The following TSHZ3 variants were observed in gnomAD, a reference collection of about 807,000 sequenced individuals.
TSHZ3 encodes teashirt zinc finger homeobox 3, also known as teashirt homolog 3.
In TSHZ3, 10 loss-of-function variants were observed where a neutral mutation model predicts 64.5. The ratio of observed to expected loss-of-function variants is 0.16; its 90% CI spans 0.10 to 0.26. The LOEUF (loss-of-function observed/expected upper bound fraction) is 0.26, where lower values mean the gene tolerates loss of function less well. TSHZ3 is among the 10% of genes least tolerant of loss of function. The pLI, the probability that TSHZ3 is intolerant of heterozygous loss-of-function variation, is 1.00. For synonymous variants in TSHZ3, 608 were observed against 593.1 expected, an observed-to-expected ratio of 1.03 and a Z score of -0.36; for missense variants, 1,242 against 1,421.7, an observed-to-expected ratio of 0.87 and a Z score of 2.03.
chr19:31,152,361 C>A (rs368609402), intron 6 of TSHZ3, among the ~76,000 whole-genome samples: 7 of 151,752 alleles, frequency 4.6e-5, no homozygotes, highest in African/African-American at 2.4e-5. Flanking sequence ...CCAGAAAGCT[C>A]GTTTTTCCTT....
chr19:31,335,883 C>T (rs1455586737), intron 1 of TSHZ3, among the ~76,000 whole-genome samples: 1 of 152,228 alleles, frequency 6.6e-6, no homozygotes, highest in Non-Finnish European at 1.5e-5. Flanking sequence ...GAGGTGCAGC[C>T]ACCTGAGATT....
chr19:31,279,542 C>T lies in TSHZ3; in HGVS notation c.251G>A (p.Arg84Gln), dbSNP rs369463125. Residue 84 changes from arginine (R) to glutamine (Q), a missense_variant, in exon 2 of 2, where the codon CGA (arginine) becomes CAA (glutamine). By Grantham distance (43) the Arg-to-Gln change is conservative (BLOSUM62 1). Coordinates refer to ENST00000240587, the MANE Select transcript of TSHZ3 (RefSeq NM_020856.4). This position sits in a 1 kb window ranked among gnomAD's most constrained non-coding sequence, Gnocchi z 6.4. ...SESHISETSD[R>Q]MADFESGSIK... is the part of the protein sequence containing the mutation. ...GGAGCCGCTTTCAAAGTCAGCCATT[C>T]GGTCACTGGTCTCACTGATGTGTGA... is the stretch of plus-strand genomic sequence containing the variant. 1.6e-5 allele frequency: 26 copies of T among 1,610,226 alleles called. No homozygotes were observed. Among genetic ancestry groups the T allele is most frequent in the Middle Eastern group, 1.6e-4 (1 of 6,064 alleles).
chr19:31,350,697 C>T (rs1408110494), upstream of TSHZ3, among the ~76,000 whole-genome samples: 1 of 151,164 alleles, frequency 6.6e-6, no homozygotes, highest in African/African-American at 2.4e-5. Context: ...GCGTGGGCGG[C>T]GGGGCGACGC....
At chr19:31,221,225 A>T (rs898506154) in intron 4 of TSHZ3, among the ~76,000 whole-genome samples, 16 of 152,322 alleles carry the variant, frequency 1.1e-4, no homozygotes, top group Non-Finnish European at 2.1e-4. Flanking sequence ...ATGAAAACTC[A>T]AGAAAAGGAT....
chr19:31,274,576 G>A (rs758616393), downstream of TSHZ3, among the ~76,000 whole-genome samples: 9 of 148,934 alleles, frequency 6.0e-5, no homozygotes, highest in African/African-American at 7.8e-5. Flanking sequence ...CCTGAACCCC[G>A]GGCATCCAGA....
chr19:31,229,224 G>A, intron 3 of TSHZ3, among the ~76,000 whole-genome samples: 1 of 152,078 alleles, frequency 6.6e-6, no homozygotes, highest in Middle Eastern at 3.2e-3. Context: ...AATGTTGTCT[G>A]GAAGAATAAA....
intron 5 of TSHZ3, among the ~76,000 whole-genome samples, chr19:31,166,826 A>G (rs1974459127): frequency 6.6e-6 from 1 of 152,248 alleles, no homozygotes; most frequent in East Asian, 1.9e-4. Context: ...CACAAGCCAC[A>G]TGCTTAAGAA....
chr19:31,210,158 C>G (rs891684350), intron 4 of TSHZ3, among the ~76,000 whole-genome samples: 18 of 152,002 alleles, frequency 1.2e-4, no homozygotes, highest in Non-Finnish European at 2.9e-5. Flanking sequence ...CAAATGAGTG[C>G]AGGGGAAATG....
intron 4 of TSHZ3, among the ~76,000 whole-genome samples, chr19:31,207,884 T>A (rs1436248220): frequency 6.6e-6 from 1 of 152,218 alleles, no homozygotes; most frequent in African/African-American, 2.4e-5. Context: ...CACACAGGCC[T>A]ATAAAATAGT....
At chr19:31,273,350 G>T (rs530153121), downstream of TSHZ3, among the ~76,000 whole-genome samples, 1 of 152,150 alleles carries the variant, frequency 6.6e-6, no homozygotes, top group African/African-American at 2.4e-5. Flanking sequence ...TCAAACAAGC[G>T]AGAGAACCTG....
chr19:31,164,230 C>T (rs764449540), intron 5 of TSHZ3, among the ~76,000 whole-genome samples: 1 of 152,146 alleles, frequency 6.6e-6, no homozygotes, highest in Non-Finnish European at 1.5e-5. Context: ...CGACCCAGAA[C>T]ATCGCACTAT....
chr19:31,278,629 G>A lies in TSHZ3; in HGVS notation c.1164C>T (p.Cys388=), dbSNP rs1165202342. Residue 388 remains cysteine (C), a synonymous_variant, in exon 2 of 2, where the codon TGC becomes TGT. Coordinates refer to ENST00000240587, the MANE Select transcript of TSHZ3 (RefSeq NM_020856.4). This position sits in a 1 kb window ranked among gnomAD's most constrained non-coding sequence, Gnocchi z 4.7. Reference sequence around the variant, plus strand: ...TGTCATGCGAGCTCCCACACTCCATGCACTTCAGGATCTGCGACTTCCGGG... The same window carrying A: ...TGTCATGCGAGCTCCCACACTCCATACACTTCAGGATCTGCGACTTCCGGG... The part of the protein sequence containing the change: ...FEARKSQILK[C]MECGSSHDTL... 6.2e-7 allele frequency: 1 copy of A among 1,614,066 alleles called. No homozygotes were observed. The highest frequency in any genetic ancestry group is 8.5e-7 in the Non-Finnish European group (1 of 1,180,040).
chr19:31,278,694 C>G lies in TSHZ3; in HGVS notation c.1099G>C (p.Gly367Arg). ...GCATAGCTGGCCCCATTCTGGTGGC[C>G]GTACCGATTATTTGGCGTGATGTAA... Reference protein sequence around the residue: ...NPYITPNNRYGHQNGASYAWH... With the variant: ...NPYITPNNRYRHQNGASYAWH... Residue 367 changes from glycine (G) to arginine (R), a missense_variant, in exon 2 of 2, where the codon GGC becomes CGC. Coordinates refer to ENST00000240587, the MANE Select transcript of TSHZ3 (RefSeq NM_020856.4). This position sits in a 1 kb window ranked among gnomAD's most constrained non-coding sequence, Gnocchi z 4.7. 6.2e-7 allele frequency: 1 copy of G among 1,614,094 alleles called. No homozygotes were observed. Among genetic ancestry groups the G allele is most frequent in the Non-Finnish European group, 8.5e-7 (1 of 1,180,020 alleles).
chr19:31,168,250 T>G (rs1974484074), intron 5 of TSHZ3, among the ~76,000 whole-genome samples: 1 of 152,186 alleles, frequency 6.6e-6, no homozygotes, highest in Non-Finnish European at 1.5e-5. Context: ...AGGCTAGATA[T>G]GAATACGCGT....
rs1176838036 is a variant in TSHZ3, at chr19:31,277,551, T to C, written c.2242A>G (p.Ser748Gly). Residue 748 changes from serine (S) to glycine (G), a missense_variant, in exon 2 of 2, where the codon AGC becomes GGC. Around this residue, in one of 4 missense-constraint regions of TSHZ3, gnomAD observed 550 missense variants for 545.1 expected, o/e 1.01. Transcript: ENST00000240587. This position sits in a 1 kb window ranked among gnomAD's most constrained non-coding sequence, Gnocchi z 4.5. ...CTGTTGCTCATCTTGAAAAGCATGCTCATGGGGTCCAGGGCAGGCAGGGAG... is the reference window on the plus strand; with the variant it reads ...CTGTTGCTCATCTTGAAAAGCATGCCCATGGGGTCCAGGGCAGGCAGGGAG... ...KPSLPALDPM[S>G]MLFKMSNSLA... is the part of the protein sequence containing the mutation. 6 of 1,601,618 alleles carry C rather than the reference T, an allele frequency of 3.7e-6. 1 individual carries two copies. In the South Asian group the frequency reaches 6.7e-5, roughly 18 times the overall value.
intron 4 of TSHZ3, among the ~76,000 whole-genome samples, chr19:31,208,573 T>A (rs1239038889): frequency 6.6e-6 from 1 of 152,194 alleles, no homozygotes; most frequent in Non-Finnish European, 1.5e-5. Context: ...CCTTCTCCTG[T>A]AGAGTGAGTG....
intron 1 of TSHZ3, among the ~76,000 whole-genome samples, chr19:31,283,920 A>G (rs1976409921): frequency 6.6e-6 from 1 of 152,162 alleles, no homozygotes; most frequent in African/African-American, 2.4e-5. Context: ...GTGAGAAGTC[A>G]ACAGGGGTGT....
chr19:31,240,916 T>C (rs1975680247), intron 3 of TSHZ3, among the ~76,000 whole-genome samples: 1 of 152,184 alleles, frequency 6.6e-6, no homozygotes, highest in Non-Finnish European at 1.5e-5. Context: ...TTCTATTCAA[T>C]CATTAGGACC....
intron 5 of TSHZ3, among the ~76,000 whole-genome samples, chr19:31,183,178 T>TTCTCTCTCTCTCTCTCTC (rs750398873): frequency 8.6e-6 from 1 of 116,472 alleles, no homozygotes; most frequent in Non-Finnish European, 1.8e-5. Context: ...TTCTATGAGA[T>TTCTCTCTCTCTCTCTCTC]TCTCTCTCTC....
Sources: allele counts gnomAD v4.1 joint callset (sites outside exome capture counted in the v4.1 genomes callset), GRCh38; gene constraint gnomAD v4.1.1; regional missense constraint gnomAD v4.1.1; non-coding constraint Gnocchi (gnomAD v3.1); transcripts MANE v1.5; gene names NCBI Gene and HGNC (gene_info 2026-07-23, HGNC 2026-07-21).